The following JMJD1C variants were observed in gnomAD, a reference collection of about 807,000 sequenced individuals.
JMJD1C encodes jumonji domain-containing protein 1C.
JMJD1C carries 31 observed loss-of-function variants against 245.3 expected under a neutral mutation model. That is an observed-to-expected ratio of 0.13 (90% CI 0.09 to 0.17). The LOEUF (loss-of-function observed/expected upper bound fraction) is 0.17, where lower values mean the gene tolerates loss of function less well. Ranked by LOEUF, JMJD1C falls within the 10% of genes least tolerant of loss-of-function variation. The pLI is 1.00. For synonymous variants in JMJD1C, 1,057 were observed against 1,017.4 expected (o/e 1.04, Z -0.74); for missense variants, 2,691 against 3,000.2 (o/e 0.90, Z 2.41).
chr10:63,432,725 A>G (rs1334231668), intron 1 of JMJD1C, among the ~76,000 whole-genome samples: 2 of 152,242 alleles, frequency 1.3e-5, no homozygotes, highest in Admixed American at 6.5e-5. Context: ...AAAAACTTGA[A>G]AAGATCAGAT....
At chr10:63,169,556 G>C (rs1276298117) in intron 24 of JMJD1C, among the ~76,000 whole-genome samples, 4 of 152,148 alleles carry the variant, frequency 2.6e-5, no homozygotes, top group Admixed American at 6.6e-5. Flanking sequence ...AAATCTAATT[G>C]ATGATAGGGT....
intron 2 of JMJD1C, among the ~76,000 whole-genome samples, chr10:63,281,284 G>A (rs1350063292): frequency 1.3e-5 from 2 of 149,346 alleles, no homozygotes; most frequent in Admixed American, 1.3e-4. Flanking sequence ...ACAGGCACAC[G>A]CCACCATGCC....
intron 3 of JMJD1C, among the ~76,000 whole-genome samples, chr10:63,227,630 C>A (rs777555823): frequency 2.0e-5 from 3 of 152,180 alleles, no homozygotes; most frequent in Non-Finnish European, 4.4e-5. Flanking sequence ...AAACCCTTGA[C>A]CTTTGTGGTA....
chr10:63,234,125 T>C (rs1850355134), intron 3 of JMJD1C, among the ~76,000 whole-genome samples: 1 of 152,146 alleles, frequency 6.6e-6, no homozygotes, highest in Non-Finnish European at 1.5e-5. Flanking sequence ...TGCATTCTTT[T>C]AAATACTCAC....
At chr10:63,406,315 G>C (rs1442310052) in intron 1 of JMJD1C, among the ~76,000 whole-genome samples, 6 of 152,160 alleles carry the variant, frequency 3.9e-5, no homozygotes, top group Non-Finnish European at 8.8e-5. Flanking sequence ...AGGCATGTAT[G>C]CATCTCCAAT....
chr10:63,177,961 T>C, intron 22 of JMJD1C, 105 bp from the exon 23 acceptor site: 1 of 1,227,372 alleles, frequency 8.1e-7, no homozygotes, highest in Non-Finnish European at 1.1e-6. Flanking sequence ...CTAGGATCAG[T>C]ACTTTTTCTT....
chr10:63,185,772 ATTGC>A lies in JMJD1C; in HGVS notation c.6740-123_6740-120del, dbSNP rs1200601780. The stretch of plus-strand genomic sequence containing the variant: ...ATTGTTGCACATTACATGCTTAATG[ATTGC>A]TTGCTTATTGACTTATTACTTATGT... On this transcript the variant is annotated intron_variant, in intron 19 of 25. Coordinates refer to ENST00000399262, the MANE Select transcript of JMJD1C (RefSeq NM_032776.3). 9.6e-5 allele frequency: 64 copies of A among 664,254 alleles called. No homozygotes were observed. The South Asian group carries it at 1.0e-3, about 10-fold the overall frequency. The allele number at this position is 664,254 out of a possible 1,614,324, so 41.1% of individuals were successfully genotyped here.
chr10:63,514,419 A>G (rs1214034148), intron 1 of JMJD1C, among the ~76,000 whole-genome samples: 1 of 152,230 alleles, frequency 6.6e-6, no homozygotes, highest in Non-Finnish European at 1.5e-5. Flanking sequence ...TGTAGTACAC[A>G]CACACACCAT....
chr10:63,295,957 ATATGTGTGTGTGTGTGTGTG>A lies in JMJD1C; in HGVS notation c.334-31213_334-31194del, dbSNP rs1453588250. ...TGTATACATATATATATATACACGT[ATATGTGTGTGTGTGTGTGTG>A]TGTGTGTGTGTGTGTGTGTGTGTGT... On this transcript the variant is annotated intron_variant, in intron 2 of 25. Transcript: ENST00000399262. 2.9e-4 allele frequency among the ~76,000 whole-genome samples: 27 copies of A among 94,548 alleles called. 1 individual carries two copies. The highest frequency in any genetic ancestry group is 1.1e-3 in the African/African-American group (26 of 22,706). The allele number at this position is 94,548 out of a possible 152,430, so 62.0% of individuals were successfully genotyped here. A position where few individuals can be genotyped will look rare whatever the true frequency, so the allele number is the denominator to read the frequency against.
rs116882276 is a variant in JMJD1C at position 63,474,203 on chromosome 10, G to A, written n.113+47535C>T. 3.2e-3 allele frequency among the ~76,000 whole-genome samples: 484 copies of A among 152,076 alleles called. 7 individuals are homozygous for A. In the East Asian group the frequency reaches 0.052, roughly 16 times the overall value. Reference sequence around the variant, plus strand: ...ATCATACCATTTGACTCAGTAATTCGACTCCTTGGAAATCACCCTCAGTGA... The same window carrying A: ...ATCATACCATTTGACTCAGTAATTCAACTCCTTGGAAATCACCCTCAGTGA... On this transcript the variant is annotated intron_variant and non_coding_transcript_variant, in intron 1 of 3. Transcript: ENST00000633035.
chr10:63,271,847 G>C lies in JMJD1C; in HGVS notation c.334-7083C>G, dbSNP rs541630243. ...TGAAAAGAGGCCGGGATCAGTGGTG[G>C]GTGGATCACTTGAGGTCAAGAGTTT... On this transcript the variant is annotated intron_variant, in intron 2 of 25. Coordinates refer to ENST00000399262, the MANE Select transcript of JMJD1C (RefSeq NM_032776.3). 2.0e-5 allele frequency among the ~76,000 whole-genome samples: 3 copies of C among 152,190 alleles called. No individual in the cohort carries two copies. The South Asian group carries it at 6.2e-4, about 32-fold the overall frequency.
intron 3 of JMJD1C, among the ~76,000 whole-genome samples, chr10:63,247,111 C>CAAAAAAAA (rs988526914): frequency 2.4e-5 from 2 of 83,498 alleles, no homozygotes; most frequent in Non-Finnish European, 2.6e-5. Flanking sequence ...ACAAAAAAAA[C>CAAAAAAAA]AAAAACAAAA....
Position 63,249,198 on chromosome 10 carries a change from C to T in JMJD1C, c.447+15453G>A, listed in dbSNP as rs191339030. On this transcript the variant is annotated intron_variant, in intron 3 of 25. Transcript: ENST00000399262. ...GGACATGGTGGTAAGCGCCTGTAAT[C>T]CCAGCTACTCAGAAGGCTGAGGCAG... Among the ~76,000 whole-genome samples the T allele has an allele frequency of 4.4e-3, 664 of 152,286 alleles. 1 individual carries two copies. The highest frequency in any genetic ancestry group is 6.7e-3 in the Non-Finnish European group (457 of 68,030).
In JMJD1C at chr10:63,207,865, T is replaced by C. The variant is rs767651369; in HGVS notation, c.3804A>G (p.Ser1268=). The C allele has an allele frequency of 2.1e-5, 34 of 1,614,172 alleles. No individual in the cohort carries two copies. Among genetic ancestry groups the C allele is most frequent in the Non-Finnish European group, 2.5e-6 (3 of 1,180,002 alleles). The change falls in exon 10 of 26, where the codon TCA becomes TCG. Residue 1268 remains serine (S), a synonymous_variant. Transcript: ENST00000399262. ...TCCACATCTCCGTCAAACTCTGTTC[T>C]GAAGAACTCTTAAAATTTGCCTGGG... ...KDSQANFKSS[S]EQSLTEMWRP... is the part of the protein sequence containing the mutation.
chr10:63,321,101 T>C (rs1393397468), intron 2 of JMJD1C, among the ~76,000 whole-genome samples: 1 of 152,218 alleles, frequency 6.6e-6, no homozygotes, highest in African/African-American at 2.4e-5. Flanking sequence ...GCCAGGTGGG[T>C]GGCACACACA....
At position 63,193,432 on chromosome 10, in the gene JMJD1C, T is replaced by C. The variant is rs1295225795; in HGVS notation, c.5775A>G (p.Glu1925=). The change falls in exon 15 of 26, where the codon GAA becomes GAG. Residue 1925 remains glutamate (E), a synonymous_variant. Coordinates refer to ENST00000399262, the MANE Select transcript of JMJD1C (RefSeq NM_032776.3). Reference sequence around the variant, plus strand: ...GACAATGGGATTTAATACCATATTTTTCCCTAAGAGTGTGCATGGCATCTA... The same window carrying C: ...GACAATGGGATTTAATACCATATTTCTCCCTAAGAGTGTGCATGGCATCTA... ...DLLDAMHTLR[E]KYGIKSHCHC... 1.2e-6 allele frequency: 2 copies of C among 1,600,382 alleles called. No individual in the cohort carries two copies. Among genetic ancestry groups the C allele is most frequent in the Admixed American group, 3.4e-5 (2 of 59,004 alleles).
At chr10:63,281,458 CTTTTTT>C (rs71025144) in intron 2 of JMJD1C, among the ~76,000 whole-genome samples, 5 of 65,386 alleles carry the variant, frequency 7.6e-5, no homozygotes, top group Admixed American at 2.3e-4. Flanking sequence ...TGCGCCTGGC[CTTTTTT>C]TTTTTTTTTT....
intron 1 of JMJD1C, among the ~76,000 whole-genome samples, chr10:63,504,873 T>C (rs1431183663): frequency 6.6e-6 from 1 of 152,090 alleles, no homozygotes; most frequent in Non-Finnish European, 1.5e-5. Flanking sequence ...AATAAAATGT[T>C]AGCCGAGCTT....
intron 1 of JMJD1C, among the ~76,000 whole-genome samples, chr10:63,443,465 C>A (rs190238781): frequency 8.2e-4 from 125 of 152,120 alleles, no homozygotes; most frequent in African/African-American, 2.8e-3. Flanking sequence ...TGTGAGCCAC[C>A]GCACCCCGCT....
Sources: allele counts gnomAD v4.1 joint callset (sites outside exome capture counted in the v4.1 genomes callset), GRCh38; gene constraint gnomAD v4.1.1; transcripts MANE v1.5; gene names NCBI Gene and HGNC (gene_info 2026-07-23, HGNC 2026-07-21).